RCAN1: variants seen among roughly 807,000 people sequenced by gnomAD.
RCAN1 encodes calcipressin-1.
A neutral mutation model predicts 22.9 loss-of-function variants in RCAN1; 11 were observed. The observed-to-expected ratio is 0.48, with a 90% confidence interval of 0.30 to 0.79. The LOEUF (loss-of-function observed/expected upper bound fraction) is 0.79. RCAN1 is among the 30% of genes least tolerant of loss of function. RCAN1 has a pLI of 0.06. For synonymous variants in RCAN1, 136 were observed against 142.3 expected, an observed-to-expected ratio of 0.96 and a Z score of 0.32; for missense variants, 291 against 337.8, an observed-to-expected ratio of 0.86 and a Z score of 1.09.
chr21:34,563,754 CAAAAA>C (rs58299654), intron 1 of RCAN1, among the ~76,000 whole-genome samples: 1,136 of 44,304 alleles, frequency 0.026, 10 homozygotes, highest in Middle Eastern at 0.043. Context: ...CTAAAAATAC[CAAAAA>C]AAAAAAAAAA....
chr21:34,614,365 A>G lies in RCAN1; in HGVS notation c.252+395T>C, dbSNP rs1424768188. On this transcript the variant is annotated intron_variant, in intron 1 of 3. Coordinates refer to ENST00000313806, the MANE Select transcript of RCAN1 (RefSeq NM_004414.7). This position sits in a 1 kb window ranked among gnomAD's most constrained non-coding sequence, Gnocchi z 6.0. ...GAACACTGAGTCACGTCGCCGCTCA[A>G]TGTCTGTTTCCTCCTCCCTAGGAAT... 2 of 991,524 alleles carry G rather than the reference A, an allele frequency of 2.0e-6. No homozygotes were observed. Among genetic ancestry groups the G allele is most frequent in the Non-Finnish European group, 2.4e-6 (2 of 834,122 alleles). 61.4% of individuals were successfully genotyped at this position (991,524 alleles called of 1,614,324 possible). A position where few individuals can be genotyped will look rare whatever the true frequency, so the allele number is the denominator to read the frequency against.
intron 1 of RCAN1, among the ~76,000 whole-genome samples, chr21:34,601,337 G>T (rs1177856659): frequency 6.6e-6 from 1 of 152,182 alleles, no homozygotes; most frequent in Admixed American, 6.5e-5. Context: ...GGAGGTAGGA[G>T]CTTTTATAAT....
At chr21:34,548,099 T>C (rs1210902639) in intron 1 of RCAN1, among the ~76,000 whole-genome samples, 2 of 152,122 alleles carry the variant, frequency 1.3e-5, no homozygotes, top group Non-Finnish European at 2.9e-5. Flanking sequence ...GAGAAATAAA[T>C]TTCTATTGTT....
At chr21:34,526,905 C>G in intron 1 of RCAN1, 1 of 1,447,390 alleles carries the variant, frequency 6.9e-7, no homozygotes, top group Non-Finnish European at 9.0e-7. Flanking sequence ...GCAGCTTCCA[C>G]AGCATCCTGT....
At chr21:34,556,193 G>A (rs1568906354) in intron 1 of RCAN1, among the ~76,000 whole-genome samples, 1 of 150,756 alleles carries the variant, frequency 6.6e-6, no homozygotes, top group Non-Finnish European at 1.5e-5. Flanking sequence ...GGAGGCTGAG[G>A]CGGGAGGATA....
At chr21:34,605,532 T>A (rs1484613397) in intron 1 of RCAN1, among the ~76,000 whole-genome samples, 1 of 152,200 alleles carries the variant, frequency 6.6e-6, no homozygotes, top group Non-Finnish European at 1.5e-5. Context: ...CTGTTTCCCG[T>A]AGGTAAAAAC....
At position 34,604,357 on chromosome 21, in the gene RCAN1, C is replaced by T; in HGVS notation, c.252+10403G>A. On this transcript the variant is annotated intron_variant, in intron 1 of 3. Transcript: ENST00000313806. Reference sequence around the variant, plus strand: ...ACGTTGGCCAGGCTGGTCTTCAACTCCTGACCTCAGGTGATCTGCCCGCCT... The same window carrying T: ...ACGTTGGCCAGGCTGGTCTTCAACTTCTGACCTCAGGTGATCTGCCCGCCT... Among the ~76,000 whole-genome samples the T allele has an allele frequency of 1.3e-5, 2 of 152,140 alleles. 1 individual carries two copies. Among genetic ancestry groups the T allele is most frequent in the East Asian group, 3.9e-4 (2 of 5,192 alleles).
chr21:34,602,414 T>C (rs2123727208), intron 1 of RCAN1, among the ~76,000 whole-genome samples: 1 of 152,366 alleles, frequency 6.6e-6, no homozygotes, highest in African/African-American at 2.4e-5. Context: ...ATCTTGAATT[T>C]AGCTATTCTA....
intron 1 of RCAN1, among the ~76,000 whole-genome samples, chr21:34,613,318 G>T (rs1988731232): frequency 6.6e-6 from 1 of 152,106 alleles, no homozygotes; most frequent in Non-Finnish European, 1.5e-5. Flanking sequence ...TTTATTGCTT[G>T]TTTCCCTTCC....
intron 1 of RCAN1, among the ~76,000 whole-genome samples, chr21:34,582,032 C>T (rs1056275203): frequency 3.9e-5 from 6 of 151,984 alleles, no homozygotes; most frequent in South Asian, 2.1e-4. Flanking sequence ...ATTCTGGGCA[C>T]GAGGTAGGGG....
intron 3 of RCAN1, among the ~76,000 whole-genome samples, chr21:34,519,397 CTTTTTTTTTTT>C (rs34152667): frequency 1.5e-3 from 153 of 102,778 alleles, no homozygotes; most frequent in African/African-American, 5.6e-3. Flanking sequence ...TTCTTTCTTT[CTTTTTTTTTTT>C]TTTTTTTTTG....
intron 1 of RCAN1, among the ~76,000 whole-genome samples, chr21:34,530,673 G>A (rs145565451): frequency 0.072 from 9,802 of 135,238 alleles, 403 homozygotes; most frequent in Middle Eastern, 0.15. Flanking sequence ...CGCCCAGGCC[G>A]GAGTGCAATG....
intron 1 of RCAN1, among the ~76,000 whole-genome samples, chr21:34,555,658 C>A (rs558616271): frequency 6.6e-6 from 1 of 151,916 alleles, no homozygotes; most frequent in African/African-American, 2.4e-5. Context: ...ATTCCATGTA[C>A]TGATCATTGT....
At chr21:34,605,423 A>G (rs1988492447) in intron 1 of RCAN1, among the ~76,000 whole-genome samples, 1 of 152,126 alleles carries the variant, frequency 6.6e-6, no homozygotes, top group Non-Finnish European at 1.5e-5. Flanking sequence ...TCCTCTTTAT[A>G]TATATCGATC....
At chr21:34,589,176 A>T (rs1022976208) in intron 1 of RCAN1, among the ~76,000 whole-genome samples, 2 of 152,228 alleles carry the variant, frequency 1.3e-5, no homozygotes, top group Admixed American at 1.3e-4. Context: ...TTTTACCACA[A>T]TTTTTAAAAG....
chr21:34,534,865 C>T (rs1441352445), intron 1 of RCAN1, among the ~76,000 whole-genome samples: 1 of 152,194 alleles, frequency 6.6e-6, no homozygotes, highest in African/African-American at 2.4e-5. Flanking sequence ...GGATGCCAGG[C>T]ACTGGCCCGC....
In RCAN1 at chr21:34,521,502, G is replaced by A; in HGVS notation, c.583C>T (p.Pro195Ser). 6.2e-7 allele frequency: 1 copy of A among 1,614,176 alleles called. No homozygotes were observed. Among genetic ancestry groups the A allele is most frequent in the South Asian group, 1.1e-5 (1 of 91,088 alleles). ...DLLYAISKLG[P>S]GEKYELHAAT... ...CCCACCCGAGGGCCCTGCTCACCTG[G>A]CCCCAGCTTGGAGATGGCATATAAG... The change falls in exon 3 of 4, where the codon CCA (proline) becomes TCA (serine). Residue 195 changes from proline to serine, a missense_variant. Pro to Ser is a moderately conservative substitution (Grantham distance 74). Coordinates refer to ENST00000313806, the MANE Select transcript of RCAN1 (RefSeq NM_004414.7).
At chr21:34,549,616 A>G (rs1486053346) in intron 1 of RCAN1, among the ~76,000 whole-genome samples, 2 of 152,150 alleles carry the variant, frequency 1.3e-5, no homozygotes. Flanking sequence ...TGTTTTTAAT[A>G]TACATCAAGC....
rs143473752 is a variant in RCAN1, at chr21:34,539,902, C to T, written c.253-16192G>A. ...CCTGCCATCTTTATCTGGTGAAATT[C>T]TCATTTAATCAGTAGTGTTGGCTGA... On this transcript the variant is annotated intron_variant, in intron 1 of 3. Coordinates refer to ENST00000313806, the MANE Select transcript of RCAN1 (RefSeq NM_004414.7). Among the ~76,000 whole-genome samples the T allele has an allele frequency of 7.9e-5, 12 of 152,318 alleles. 1 individual carries two copies. Among genetic ancestry groups the T allele is most frequent in the African/African-American group, 2.9e-4 (12 of 41,574 alleles).
Sources: gnomAD v4.1 joint callset for allele counts (sites outside exome capture counted in the v4.1 genomes callset) on GRCh38, gnomAD v4.1.1 for gene constraint, Gnocchi (gnomAD v3.1) non-coding constraint, MANE v1.5 for transcripts, NCBI Gene and HGNC (gene_info 2026-07-23, HGNC 2026-07-21) for gene names.